The following PPP4R4 variants were observed in gnomAD, a reference collection of about 807,000 sequenced individuals.
PPP4R4 encodes the protein protein phosphatase 4 regulatory subunit 4, also known as serine/threonine-protein phosphatase 4 regulatory subunit 4.
A neutral mutation model predicts 121.8 loss-of-function variants in PPP4R4; 70 were observed. The ratio of observed to expected loss-of-function variants is 0.57; its 90% confidence interval spans 0.47 to 0.70. PPP4R4 has a LOEUF of 0.70. Among genes scored for constraint, PPP4R4 ranks in the 30% least tolerant of loss-of-function variants. PPP4R4 has a pLI of 0.00. For synonymous variants in PPP4R4, 348 were observed against 355.7 expected (o/e 0.98, Z 0.24); for missense variants, 875 against 1,033.6 (o/e 0.85, Z 2.10).
chr14:94,209,655 A>G (rs1284778121), intron 3 of PPP4R4, among the ~76,000 whole-genome samples: 1 of 152,076 alleles, frequency 6.6e-6, no homozygotes, highest in African/African-American at 2.4e-5. Context: ...GCCCACACAG[A>G]CCAGGTTTAT....
intron 24 of PPP4R4, among the ~76,000 whole-genome samples, 185 bp from the exon 25 acceptor site, chr14:94,278,434 T>A (rs1894757126): frequency 6.6e-6 from 1 of 152,210 alleles, no homozygotes; most frequent in African/African-American, 2.4e-5. Context: ...TAATGTGTAA[T>A]TCATTTTTTC....
intron 2 of PPP4R4, among the ~76,000 whole-genome samples, chr14:94,199,849 T>G (rs1890080462): frequency 6.6e-6 from 1 of 152,192 alleles, no homozygotes; most frequent in Admixed American, 6.5e-5. Context: ...TTTCTTCCGC[T>G]GGAGTGTTCC....
rs556273471 is a variant in PPP4R4 at position 94,200,645 on chromosome 14, A to G, written c.192-7819A>G. Among the ~76,000 whole-genome samples the G allele has an allele frequency of 3.9e-5, 6 of 152,194 alleles. No homozygotes were observed. The South Asian group carries it at 1.2e-3, about 32-fold the overall frequency. On this transcript the variant is annotated intron_variant, in intron 2 of 24. Transcript: ENST00000304338. ...ATAAAGGTGTTCCCAGTAGCCTTGA[A>G]TGATCTTTTGTATTTCTGTGGTATT...
At chr14:94,195,264 C>G (rs1889809765) in intron 2 of PPP4R4, among the ~76,000 whole-genome samples, 1 of 152,112 alleles carries the variant, frequency 6.6e-6, no homozygotes, top group Non-Finnish European at 1.5e-5. Flanking sequence ...TTAGAAACTT[C>G]TTAGAAATCA....
At chr14:94,221,292 T>C (rs1891375343) in intron 3 of PPP4R4, among the ~76,000 whole-genome samples, 1 of 152,090 alleles carries the variant, frequency 6.6e-6, no homozygotes, top group South Asian at 2.1e-4. Context: ...GAGAAAATTT[T>C]TGTGACCTTG....
At chr14:94,194,524 T>G (rs1477084520) in intron 2 of PPP4R4, among the ~76,000 whole-genome samples, 1 of 152,262 alleles carries the variant, frequency 6.6e-6, no homozygotes, top group African/African-American at 2.4e-5. Context: ...ACATGTGTGC[T>G]ATAAAGCAGC....
At chr14:94,179,227 G>T (rs1425879244) in intron 2 of PPP4R4, among the ~76,000 whole-genome samples, 1 of 152,128 alleles carries the variant, frequency 6.6e-6, no homozygotes, top group East Asian at 1.9e-4. Flanking sequence ...TTGCTCCTCA[G>T]TACCAACCCT....
chr14:94,242,972 C>T (rs753248159), intron 11 of PPP4R4, among the ~76,000 whole-genome samples: 7 of 152,052 alleles, frequency 4.6e-5, no homozygotes, highest in Non-Finnish European at 7.4e-5. Flanking sequence ...GCACGTATGC[C>T]GTGGTTGCAA....
chr14:94,204,727 T>C (rs576351382), intron 2 of PPP4R4, among the ~76,000 whole-genome samples: 1 of 152,278 alleles, frequency 6.6e-6, no homozygotes, highest in Admixed American at 6.5e-5. Context: ...TCTGATTGCT[T>C]AGATATCCTT....
chr14:94,211,980 T>C (rs1890766960), intron 3 of PPP4R4, among the ~76,000 whole-genome samples: 1 of 152,234 alleles, frequency 6.6e-6, no homozygotes, highest in Non-Finnish European at 1.5e-5. Flanking sequence ...TAGTCTTTTG[T>C]GAATGATTTA....
rs774392084 is a variant in PPP4R4 at position 94,242,273 on chromosome 14, C to T, written c.1147-16C>T. The T allele has an allele frequency of 2.5e-6, 4 of 1,610,196 alleles. No homozygotes were observed. The South Asian group carries it at 4.4e-5, about 18-fold the overall frequency. On this transcript the variant is annotated splice_polypyrimidine_tract_variant and intron_variant, in intron 10 of 24. Transcript: ENST00000304338. Reference sequence around the variant, plus strand: ...TCTTTCCTTCCCACTCATCTCCTCCCTTCCACCTCCACCAGGCCATGATTG... The same window carrying T: ...TCTTTCCTTCCCACTCATCTCCTCCTTTCCACCTCCACCAGGCCATGATTG...
intron 9 of PPP4R4, 125 bp downstream of exon 9, chr14:94,240,920 T>C (rs1892597844): frequency 1.7e-6 from 2 of 1,205,620 alleles, no homozygotes; most frequent in South Asian, 5.5e-5. Context: ...AAAAATCTTA[T>C]GAGATCTTAG....
intron 2 of PPP4R4, among the ~76,000 whole-genome samples, chr14:94,202,906 C>T (rs1190698926): frequency 2.0e-5 from 3 of 151,330 alleles, no homozygotes; most frequent in Non-Finnish European, 4.4e-5. Flanking sequence ...TAGCTTGAAC[C>T]AGGGAGTCAG....
At chr14:94,235,614 T>C (rs1474024180) in intron 7 of PPP4R4, among the ~76,000 whole-genome samples, 6 of 151,750 alleles carry the variant, frequency 4.0e-5, no homozygotes, top group Non-Finnish European at 8.8e-5. Context: ...TTAGCCAGGA[T>C]GGTCTCGATC....
intron 14 of PPP4R4, 127 bp downstream of exon 14, chr14:94,246,666 G>T: frequency 1.9e-6 from 2 of 1,030,556 alleles, no homozygotes; most frequent in Non-Finnish European, 2.8e-6. Context: ...GAGGATGTCA[G>T]CTTCGTAGGT....
At chr14:94,213,425 A>G (rs1028390707) in intron 3 of PPP4R4, among the ~76,000 whole-genome samples, 10 of 152,178 alleles carry the variant, frequency 6.6e-5, no homozygotes, top group African/African-American at 2.4e-4. Flanking sequence ...CATGAAAATT[A>G]CTTAAGTGGT....
At chr14:94,258,297 A>G (rs993718746) in intron 17 of PPP4R4, among the ~76,000 whole-genome samples, 13 of 152,174 alleles carry the variant, frequency 8.5e-5, no homozygotes, top group Non-Finnish European at 1.8e-4. Context: ...AATTTGTTTC[A>G]AACTAGTGTA....
chr14:94,240,527 C>G, intron 8 of PPP4R4, 146 bp from the exon 9 acceptor site: 1 of 816,508 alleles, frequency 1.2e-6, no homozygotes, highest in South Asian at 2.1e-5. Flanking sequence ...CCACCCACCT[C>G]CATCGTTGTT....
At chr14:94,218,942 A>G (rs1210562207) in intron 3 of PPP4R4, among the ~76,000 whole-genome samples, 2 of 152,158 alleles carry the variant, frequency 1.3e-5, no homozygotes, top group South Asian at 2.1e-4. Context: ...CAACTGAAAT[A>G]TATACCCAGT....
Sources: gnomAD v4.1 joint callset for allele counts (sites outside exome capture counted in the v4.1 genomes callset) on GRCh38, gnomAD v4.1.1 for gene constraint, MANE v1.5 for transcripts, NCBI Gene and HGNC (gene_info 2026-07-23, HGNC 2026-07-21) for gene names.